The following KHDRBS2 variants were observed in gnomAD, a reference collection of about 807,000 sequenced individuals.
KHDRBS2 encodes the protein KH RNA binding domain containing, signal transduction associated 2.
KHDRBS2 carries 26 observed loss-of-function variants against 44.3 expected under a neutral mutation model. The observed-to-expected ratio is 0.59, with a 90% confidence interval of 0.43 to 0.81. The LOEUF (loss-of-function observed/expected upper bound fraction) is 0.81, where lower values mean the gene tolerates loss of function less well. Among genes scored for constraint, KHDRBS2 ranks in the 40% least tolerant of loss-of-function variants. The probability of loss-of-function intolerance (pLI) is 0.00; values close to 1 mark genes in which losing one functional copy is unlikely to be tolerated. For synonymous variants in KHDRBS2, 194 were observed against 151.1 expected (o/e 1.28, Z -2.08); for missense variants, 476 against 433.1 (o/e 1.10, Z -0.88).
intron 6 of KHDRBS2, among the ~76,000 whole-genome samples, chr6:61,865,764 C>T (rs535626102): frequency 6.6e-6 from 1 of 152,282 alleles, no homozygotes; most frequent in South Asian, 2.1e-4. Flanking sequence ...AAGTCTCTTC[C>T]ATCTATGAGC....
At position 61,901,266 on chromosome 6, in the gene KHDRBS2, T is replaced by C; in HGVS notation, c.589A>G (p.Ile197Val). 6.2e-7 allele frequency: 1 copy of C among 1,613,686 alleles called. No homozygotes were observed. The highest frequency in any genetic ancestry group is 8.5e-7 in the Non-Finnish European group (1 of 1,179,744). Reference protein sequence around the residue: ...GRGIRGRGIRIAPTAPSRGRG... With the variant: ...GRGIRGRGIRVAPTAPSRGRG... ...TACCTTGAAGGAGCTGTGGGAGCTA[T>C]TCTGATCCCTCTGCCTCTAATACCT... Residue 197 changes from isoleucine to valine, a missense_variant, in exon 5 of 9, where the codon ATA (isoleucine) becomes GTA (valine). Coordinates refer to ENST00000281156, the MANE Select transcript of KHDRBS2 (RefSeq NM_152688.4).
the KHDRBS2 span, among the ~76,000 whole-genome samples, chr6:61,559,629 C>T: frequency 7.9e-5 from 12 of 152,026 alleles, no homozygotes; most frequent in Non-Finnish European, 1.3e-4. Context: ...TATTTTATAA[C>T]CCACTATTTT....
chr6:61,755,203 T>C (rs1420850390), intron 6 of KHDRBS2, among the ~76,000 whole-genome samples: 1 of 152,134 alleles, frequency 6.6e-6, no homozygotes, highest in Non-Finnish European at 1.5e-5. Flanking sequence ...ATAAAGTATT[T>C]TTAAAAGAAT....
intron 8 of KHDRBS2, 71 bp from the exon 9 acceptor site, chr6:61,681,131 A>G: frequency 1.9e-6 from 2 of 1,027,900 alleles, no homozygotes; most frequent in Non-Finnish European, 1.5e-6. Context: ...TTAAGACACA[A>G]TAGTTGACCG....
At chr6:61,664,253 C>T in the KHDRBS2 span, among the ~76,000 whole-genome samples, 1,747 of 151,778 alleles carry the variant, frequency 0.012, 29 homozygotes, top group African/African-American at 0.039. Flanking sequence ...AATATAGTAT[C>T]AATGGAAGGT....
chr6:61,973,892 C>A (rs1771943565), intron 4 of KHDRBS2, among the ~76,000 whole-genome samples: 1 of 152,114 alleles, frequency 6.6e-6, no homozygotes, highest in Non-Finnish European at 1.5e-5. Context: ...GAATCACAAT[C>A]TCTTAACTAT....
At chr6:61,791,162 G>A (rs555644159) in intron 6 of KHDRBS2, among the ~76,000 whole-genome samples, 187 of 150,986 alleles carry the variant, frequency 1.2e-3, no homozygotes, top group African/African-American at 4.3e-3. Context: ...AGAGGTTTGC[G>A]AAATTTATTG....
the KHDRBS2 span, among the ~76,000 whole-genome samples, chr6:61,634,328 C>A: frequency 6.6e-6 from 1 of 151,656 alleles, no homozygotes; most frequent in East Asian, 1.9e-4. Flanking sequence ...AGTCTAAAGC[C>A]ACAAGGACAG....
chr6:61,786,247 G>C (rs942458854), intron 6 of KHDRBS2, among the ~76,000 whole-genome samples: 1 of 151,902 alleles, frequency 6.6e-6, no homozygotes, highest in African/African-American at 2.4e-5. Flanking sequence ...GGAAAAATTT[G>C]CTATTAAATT....
At chr6:61,947,303 G>A (rs924942782) in intron 4 of KHDRBS2, among the ~76,000 whole-genome samples, 1 of 152,080 alleles carries the variant, frequency 6.6e-6, no homozygotes, top group African/African-American at 2.4e-5. Context: ...GGAAAAGACT[G>A]CACAAGATGA....
chr6:61,783,018 G>A (rs1252846283), intron 6 of KHDRBS2, among the ~76,000 whole-genome samples: 1 of 151,880 alleles, frequency 6.6e-6, no homozygotes, highest in Non-Finnish European at 1.5e-5. Flanking sequence ...AAGGGGTGAG[G>A]ATGTATACTG....
At chr6:62,134,990 C>T (rs1397237671) in intron 2 of KHDRBS2, among the ~76,000 whole-genome samples, 1 of 152,078 alleles carries the variant, frequency 6.6e-6, no homozygotes, top group Non-Finnish European at 1.5e-5. Context: ...TGAGTTAATA[C>T]TGAAATGAGT....
the KHDRBS2 span, chr6:61,661,185 A>G: frequency 6.6e-6 from 1 of 151,802 alleles, no homozygotes; most frequent in Non-Finnish European, 1.5e-5. Context: ...TACTTTATCC[A>G]TTTAAACATA....
intron 7 of KHDRBS2, among the ~76,000 whole-genome samples, chr6:61,726,401 T>C (rs1773571456): frequency 6.6e-6 from 1 of 152,098 alleles, no homozygotes; most frequent in Admixed American, 6.5e-5. Context: ...TTATTCAACT[T>C]AGTACTGGAA....
chr6:61,730,961 T>A (rs4710462), intron 7 of KHDRBS2, among the ~76,000 whole-genome samples: 121,791 of 151,842 alleles, frequency 0.8, 49,402 homozygotes, highest in African/African-American at 0.92. Context: ...GAAGAGAGAA[T>A]GTCCCTCATT....
At chr6:62,134,406 GCCTGGGTATCCAGGC>G (rs1449867234) in intron 2 of KHDRBS2, among the ~76,000 whole-genome samples, 3 of 152,298 alleles carry the variant, frequency 2.0e-5, no homozygotes, top group African/African-American at 7.2e-5. Context: ...GTATGGAAAT[GCCTGGGTATCCAGGC>G]AGAAGCTTTC....
At chr6:61,976,207 CCATTCCAT>C (rs796357114) in intron 4 of KHDRBS2, among the ~76,000 whole-genome samples, 2 of 152,254 alleles carry the variant, frequency 1.3e-5, no homozygotes, top group African/African-American at 4.8e-5. Flanking sequence ...CTATAGGCAG[CCATTCCAT>C]CATTCCATCA....
At chr6:61,712,001 T>A (rs1466331932) in intron 7 of KHDRBS2, among the ~76,000 whole-genome samples, 1 of 151,794 alleles carries the variant, frequency 6.6e-6, no homozygotes, top group South Asian at 2.1e-4. Context: ...GTTCTAGCTA[T>A]GCAAAGAGCT....
At chr6:61,635,753 C>T in the KHDRBS2 span, among the ~76,000 whole-genome samples, 1 of 152,002 alleles carries the variant, frequency 6.6e-6, no homozygotes, top group African/African-American at 2.4e-5. Context: ...AACAAACTTT[C>T]AAAACTTGTT....
Sources: allele counts gnomAD v4.1 joint callset (sites outside exome capture counted in the v4.1 genomes callset), GRCh38; gene constraint gnomAD v4.1.1; transcripts MANE v1.5; gene names NCBI Gene and HGNC (gene_info 2026-07-23, HGNC 2026-07-21).